ARSB: variants seen among roughly 807,000 people sequenced by gnomAD.
ARSB encodes the protein arylsulfatase B, also known as N-acetylgalactosamine-4-sulfatase.
In ARSB, 41 loss-of-function variants were observed where a neutral mutation model predicts 50.9. The ratio of observed to expected loss-of-function variants is 0.81; its 90% CI spans 0.63 to 1.04. The LOEUF (loss-of-function observed/expected upper bound fraction) is 1.04, where lower values mean the gene tolerates loss of function less well. Ranked by LOEUF, ARSB falls within the 50% of genes least tolerant of loss-of-function variation. The pLI is 0.00. For missense variants in ARSB, 672 were observed against 693.3 expected (o/e 0.97, Z 0.35); for synonymous variants, 269 against 284.8 (o/e 0.94, Z 0.56).
At chr5:78,799,551 T>C (rs1743303199) in intron 6 of ARSB, among the ~76,000 whole-genome samples, 1 of 152,338 alleles carries the variant, frequency 6.6e-6, no homozygotes, top group South Asian at 2.1e-4. Flanking sequence ...CCTACTCACA[T>C]GAAGGATGAT....
chr5:78,985,260 C>T lies in ARSB; in HGVS notation c.-12G>A. Reference sequence around the variant, plus strand: ...CCGCGCGGACCCATCCTTGTCCGCCCGCGGTCCCAGCGCCTGTGGCGCCAC... The same window carrying T: ...CCGCGCGGACCCATCCTTGTCCGCCTGCGGTCCCAGCGCCTGTGGCGCCAC... On this transcript the variant is annotated 5_prime_UTR_variant, in exon 1 of 8. Transcript: ENST00000264914. 7.7e-7 allele frequency: 1 copy of T among 1,301,034 alleles called. No homozygotes were observed. The highest frequency in any genetic ancestry group is 9.7e-7 in the Non-Finnish European group (1 of 1,029,642). The allele number at this position is 1,301,034 out of a possible 1,614,324, so 80.6% of individuals were successfully genotyped here. A position where few individuals can be genotyped will look rare whatever the true frequency, so the allele number is the denominator to read the frequency against.
intron 4 of ARSB, among the ~76,000 whole-genome samples, chr5:78,900,252 G>T (rs1376805563): frequency 6.6e-6 from 1 of 152,122 alleles, no homozygotes; most frequent in Non-Finnish European, 1.5e-5. Flanking sequence ...GTCTCATTTG[G>T]CTGAGTTACA....
intron 3 of ARSB, among the ~76,000 whole-genome samples, chr5:78,956,047 G>C (rs1751708798): frequency 6.6e-6 from 1 of 152,066 alleles, no homozygotes; most frequent in South Asian, 2.1e-4. Context: ...AGAAATCAAA[G>C]CATACATCCA....
intron 4 of ARSB, among the ~76,000 whole-genome samples, chr5:78,953,388 T>G (rs1751568345): frequency 6.6e-6 from 1 of 152,244 alleles, no homozygotes; most frequent in Admixed American, 6.5e-5. Context: ...TGTGCTTCAG[T>G]TCTCACATCT....
intron 4 of ARSB, among the ~76,000 whole-genome samples, chr5:78,920,418 G>T (rs1325822981): frequency 6.6e-6 from 1 of 152,060 alleles, no homozygotes; most frequent in Non-Finnish European, 1.5e-5. Flanking sequence ...GTGAACTCTG[G>T]ATGAAGTCAT....
intron 5 of ARSB, among the ~76,000 whole-genome samples, chr5:78,861,769 C>A (rs1333969804): frequency 6.6e-6 from 1 of 152,152 alleles, no homozygotes; most frequent in African/African-American, 2.4e-5. Context: ...TCAGGGCAAT[C>A]AGGCAAGAGA....
chr5:78,860,924 G>T (rs1343091021), intron 5 of ARSB, among the ~76,000 whole-genome samples: 3 of 152,158 alleles, frequency 2.0e-5, no homozygotes, highest in Non-Finnish European at 4.4e-5. Context: ...AAATGATAAA[G>T]GGTATATCAG....
rs3839268 is a variant in ARSB, at chr5:78,964,856, GT to G, written c.500-251del. Among the ~76,000 whole-genome samples the G allele has an allele frequency of 0.27, 40,027 of 149,876 alleles. 6,559 individuals are homozygous for G. The highest frequency in any genetic ancestry group is 0.47 in the African/African-American group (19,295 of 41,036). ...TAGGCGCTATCATGTAACACTAACA[GT>G]TTTTTTTTTTATCAGAGTTGAAACT... On this transcript the variant is annotated intron_variant, in intron 2 of 7. Transcript: ENST00000264914.
intron 3 of ARSB, among the ~76,000 whole-genome samples, chr5:78,957,709 T>C (rs1249000668): frequency 2.6e-5 from 4 of 152,178 alleles, no homozygotes; most frequent in Non-Finnish European, 5.9e-5. Flanking sequence ...GAAGCGTCTA[T>C]GTTCGTGTAG....
rs755284592 is a variant in ARSB, at chr5:78,985,008, G to C, written c.241C>G (p.Leu81Val). 2.6e-6 allele frequency: 4 copies of C among 1,538,220 alleles called. No individual in the cohort carries two copies. The highest frequency in any genetic ancestry group is 3.5e-6 in the Non-Finnish European group (4 of 1,145,596). ...HLDALAAGGV[L>V]LDNYYTQPLC... ...GGCTGCGTGTAGTAGTTGTCCAGGA[G>C]CACCCCGCCGGCCGCCAGCGCGTCC... Residue 81 changes from leucine to valine, a missense_variant, in exon 1 of 8, where the codon CTC (leucine) becomes GTC (valine). Transcript: ENST00000264914.
At chr5:78,969,936 A>G (rs1353816488) in intron 1 of ARSB, among the ~76,000 whole-genome samples, 2 of 152,280 alleles carry the variant, frequency 1.3e-5, no homozygotes, top group African/African-American at 4.8e-5. Context: ...TTAACAGTAT[A>G]ATAAAACGAT....
chr5:78,788,492 C>T (rs927359279), intron 6 of ARSB, among the ~76,000 whole-genome samples: 3 of 152,258 alleles, frequency 2.0e-5, no homozygotes, highest in African/African-American at 7.2e-5. Flanking sequence ...GTTAGTGGGT[C>T]GGGGTCCAGG....
chr5:78,940,587 A>T (rs1331234586), intron 4 of ARSB, among the ~76,000 whole-genome samples: 1 of 152,206 alleles, frequency 6.6e-6, no homozygotes, highest in Non-Finnish European at 1.5e-5. Context: ...CAAAGATCAG[A>T]TAGTTAAAGA....
In ARSB at chr5:78,778,415, T is replaced by C. The variant is rs891001144; in HGVS notation, c.*1982A>G. On this transcript the variant is annotated 3_prime_UTR_variant, in exon 8 of 8. Coordinates refer to ENST00000264914, the MANE Select transcript of ARSB (RefSeq NM_000046.5). ...TGAAGGATGACTATACAAGGACTTA[T>C]ATCAGATTATTTGTTGCTTTTAGTT... The C allele has an allele frequency of 6.6e-6, 1 of 152,280 alleles. No individual in the cohort carries two copies. The highest frequency in any genetic ancestry group is 1.5e-5 in the Non-Finnish European group (1 of 68,056). The allele number at this position is 152,280 out of a possible 1,614,324, so 9.4% of individuals were successfully genotyped here. A position where few individuals can be genotyped will look rare whatever the true frequency, so the allele number is the denominator to read the frequency against.
At chr5:78,860,099 G>A (rs2112094116) in intron 5 of ARSB, among the ~76,000 whole-genome samples, 1 of 152,314 alleles carries the variant, frequency 6.6e-6, no homozygotes, top group African/African-American at 2.4e-5. Flanking sequence ...TGTATATTCT[G>A]TTGATTTGGG....
At chr5:78,938,335 G>C (rs1204652619) in intron 4 of ARSB, among the ~76,000 whole-genome samples, 1 of 152,216 alleles carries the variant, frequency 6.6e-6, no homozygotes, top group African/African-American at 2.4e-5. Context: ...CATGCTCTCA[G>C]TGTGGACATT....
At chr5:78,939,003 C>G (rs896372324) in intron 4 of ARSB, among the ~76,000 whole-genome samples, 1 of 152,214 alleles carries the variant, frequency 6.6e-6, no homozygotes, top group African/African-American at 2.4e-5. Context: ...ACTTCACCCT[C>G]AAGTCACTGT....
intron 5 of ARSB, chr5:78,884,388 C>CAA: frequency 6.6e-6 from 1 of 152,016 alleles, no homozygotes; most frequent in Non-Finnish European, 1.5e-5. Flanking sequence ...CACACACACA[C>CAA]AATTTTTTTC....
Position 78,964,609 on chromosome 5 carries a change from G to C in ARSB, c.500-3C>G. 1.2e-6 allele frequency: 2 copies of C among 1,612,724 alleles called. No homozygotes were observed. The highest frequency in any genetic ancestry group is 1.7e-6 in the Non-Finnish European group (2 of 1,179,746). ...ATCTTCACTACCCAGGAGATATCCT[G>C]CAAGAATGGAAGACGAAAATAGTCA... On this transcript the variant is annotated splice_region_variant and splice_polypyrimidine_tract_variant and intron_variant, in intron 2 of 7. Transcript: ENST00000264914.
Sources: allele counts gnomAD v4.1 joint callset (sites outside exome capture counted in the v4.1 genomes callset), GRCh38; gene constraint gnomAD v4.1.1; transcripts MANE v1.5; gene names NCBI Gene and HGNC (gene_info 2026-07-23, HGNC 2026-07-21).